The following NEK9 variants were observed in gnomAD, a reference collection of about 807,000 sequenced individuals.
NEK9 encodes the protein NIMA related kinase 9.
A neutral mutation model predicts 123.4 loss-of-function variants in NEK9; 75 were observed. That is an observed-to-expected ratio of 0.61 (90% CI 0.50 to 0.74). NEK9 has a LOEUF of 0.74. Ranked by LOEUF, NEK9 falls within the 30% of genes least tolerant of loss-of-function variation. The pLI is 0.00. For synonymous variants in NEK9, 438 were observed against 458.7 expected, an observed-to-expected ratio of 0.95 and a Z score of 0.58; for missense variants, 952 against 1,214.4, an observed-to-expected ratio of 0.78 and a Z score of 3.21.
intron 21 of NEK9, chr14:75,086,782 T>A: frequency 2.2e-6 from 1 of 447,260 alleles, no homozygotes; most frequent in Non-Finnish European, 4.2e-6. Flanking sequence ...GGTGCACACC[T>A]GTAGTCCCAG....
rs531820330 is a variant in NEK9, at chr14:75,102,425, G to A, written c.1732-660C>T. Among the ~76,000 whole-genome samples, 11 of 152,074 alleles carry A rather than the reference G, an allele frequency of 7.2e-5. No individual in the cohort carries two copies. The South Asian group carries it at 2.1e-3, about 29-fold the overall frequency. ...TGCAGTGGCGCGGTCTCGGCTCACTGCAAGCCCCGCCTCCCAGGTTCACGC... is the reference window on the plus strand; with the variant it reads ...TGCAGTGGCGCGGTCTCGGCTCACTACAAGCCCCGCCTCCCAGGTTCACGC... On this transcript the variant is annotated intron_variant, in intron 14 of 21. Transcript: ENST00000238616.
rs747305851 is a variant in NEK9, at chr14:75,081,971, CT to C, written c.*2592del. 31 of 152,292 alleles carry C rather than the reference CT, an allele frequency of 2.0e-4. No homozygotes were observed. In the South Asian group the frequency reaches 6.2e-3, roughly 31 times the overall value. The allele number at this position is 152,292 out of a possible 1,614,324, so 9.4% of individuals were successfully genotyped here. On this transcript the variant is annotated 3_prime_UTR_variant, in exon 22 of 22. Coordinates refer to ENST00000238616, the MANE Select transcript of NEK9 (RefSeq NM_033116.6). The surrounding 1 kb of genome is among the most constrained non-coding windows in gnomAD (Gnocchi z 4.2). ...AACTGGAGAGAAGCAAAGAATATTTCTGTGCAGATGTCCCTTGCATTGTTTC... is the reference window on the plus strand; with the variant it reads ...AACTGGAGAGAAGCAAAGAATATTTCGTGCAGATGTCCCTTGCATTGTTTC...
At chr14:75,103,727 T>A in intron 14 of NEK9, 115 bp downstream of exon 14, 2 of 1,148,474 alleles carry the variant, frequency 1.7e-6, no homozygotes, top group South Asian at 3.1e-5. Flanking sequence ...ACAATGCCTA[T>A]GAGACCATAA....
At chr14:75,110,014 A>T (rs1265574711) in intron 9 of NEK9, 137 bp from the exon 10 acceptor site, 2 of 905,610 alleles carry the variant, frequency 2.2e-6, no homozygotes, top group East Asian at 5.3e-5. Context: ...ACTTGTTTCA[A>T]TGTGCTCTAT....
intron 17 of NEK9, among the ~76,000 whole-genome samples, chr14:75,096,516 T>C (rs1027369924): frequency 2.0e-5 from 3 of 152,020 alleles, no homozygotes; most frequent in African/African-American, 7.2e-5. Flanking sequence ...GGTGGATGAT[T>C]AGAAGTAACA....
Position 75,082,525 on chromosome 14 carries a change from A to C in NEK9, c.*2039T>G, listed in dbSNP as rs1893895675. The stretch of plus-strand genomic sequence containing the variant: ...TAGATTCTCAGCCAGATTAATAGCA[A>C]ATCTAGACTTCCCAAGGGAATATGC... On this transcript the variant is annotated 3_prime_UTR_variant, in exon 22 of 22. Transcript: ENST00000238616. 1 of 154,244 alleles carries C rather than the reference A, an allele frequency of 6.5e-6. No homozygotes were observed. The highest frequency in any genetic ancestry group is 1.4e-5 in the Non-Finnish European group (1 of 69,484). The allele number at this position is 154,244 out of a possible 1,614,324, so 9.6% of individuals were successfully genotyped here. A position where few individuals can be genotyped will look rare whatever the true frequency, so the allele number is the denominator to read the frequency against.
At chr14:75,121,009 T>G (rs766877560) in intron 3 of NEK9, 110 bp downstream of exon 3, 26 of 909,644 alleles carry the variant, frequency 2.9e-5, no homozygotes, top group Non-Finnish European at 3.8e-5. Context: ...GGAAGGAGTC[T>G]GAACAAAAGG....
rs779294962 is a variant in NEK9, at chr14:75,126,854, C to T, written c.68G>A (p.Gly23Glu). ...SINSDFGSES[G>E]GCGDSSPGPS... is the part of the protein sequence containing the mutation. ...CCCCGGACTCGAGTCCCCGCAACCC[C>T]CGGACTCGCTCCCAAAGTCCGAGTT... The change falls in exon 1 of 22, where the codon GGG becomes GAG. Residue 23 changes from glycine to glutamate, a missense_variant. Coordinates refer to ENST00000238616, the MANE Select transcript of NEK9 (RefSeq NM_033116.6). 2 of 1,532,600 alleles carry T rather than the reference C, an allele frequency of 1.3e-6. No individual in the cohort carries two copies. Among genetic ancestry groups the T allele is most frequent in the South Asian group, 1.2e-5 (1 of 82,014 alleles). 94.9% of individuals were successfully genotyped at this position (1,532,600 alleles called of 1,614,324 possible).
intron 19 of NEK9, 125 bp from the exon 20 acceptor site, chr14:75,088,766 G>A: frequency 1.2e-6 from 1 of 803,802 alleles, no homozygotes; most frequent in Non-Finnish European, 1.9e-6. Context: ...CAAGACAGTT[G>A]TGGTTAACAA....
chr14:75,093,126 A>G (rs1175151712), intron 18 of NEK9, among the ~76,000 whole-genome samples: 1 of 152,250 alleles, frequency 6.6e-6, no homozygotes, highest in Non-Finnish European at 1.5e-5. Context: ...GTTACTAGCC[A>G]TATGTGCCCG....
chr14:75,119,953 A>G (rs1359467534), intron 4 of NEK9, among the ~76,000 whole-genome samples: 1 of 152,242 alleles, frequency 6.6e-6, no homozygotes, highest in Non-Finnish European at 1.5e-5. Flanking sequence ...ATAAAAAAAG[A>G]AATCTTAGTG....
In NEK9 at chr14:75,097,328, G is replaced by A. The variant is rs374712590; in HGVS notation, c.2003-58C>T. On this transcript the variant is annotated intron_variant, in intron 16 of 21. Coordinates refer to ENST00000238616, the MANE Select transcript of NEK9 (RefSeq NM_033116.6). ...CAGAACACTGGCTTCCCAATTCTCC[G>A]GGTTCCCCATCTTTATATCCTAGAG... The A allele has an allele frequency of 6.4e-5, 91 of 1,422,994 alleles. No individual in the cohort carries two copies. In the East Asian group the frequency reaches 7.5e-4, roughly 12 times the overall value. The allele number at this position is 1,422,994 out of a possible 1,614,324, so 88.1% of individuals were successfully genotyped here.
At chr14:75,121,656 C>T (rs1025410557) in intron 2 of NEK9, among the ~76,000 whole-genome samples, 1 of 152,176 alleles carries the variant, frequency 6.6e-6, no homozygotes, top group Admixed American at 6.5e-5. Flanking sequence ...TAAGACCAGC[C>T]TGGGCAACAC....
intron 8 of NEK9, among the ~76,000 whole-genome samples, chr14:75,111,544 A>C (rs1046062215): frequency 6.6e-6 from 1 of 152,226 alleles, no homozygotes; most frequent in Non-Finnish European, 1.5e-5. Flanking sequence ...TAATTATCTC[A>C]GTAAAAATTT....
At chr14:75,126,340 C>G (rs981005304) in intron 1 of NEK9, among the ~76,000 whole-genome samples, 6 of 152,080 alleles carry the variant, frequency 3.9e-5, no homozygotes, top group African/African-American at 1.4e-4. Flanking sequence ...TTTGGCAATA[C>G]CTCACATTCG....
At chr14:75,087,258 A>G (rs1894059695) in intron 20 of NEK9, 28 bp from the exon 21 acceptor site, 1 of 1,573,046 alleles carries the variant, frequency 6.4e-7, no homozygotes, top group Non-Finnish European at 8.7e-7. Context: ...AGATTGCAGG[A>G]GGTTCTGCCC....
At chr14:75,123,562 G>C (rs906443921) in intron 2 of NEK9, among the ~76,000 whole-genome samples, 15 of 152,228 alleles carry the variant, frequency 9.9e-5, no homozygotes, top group African/African-American at 3.6e-4. Flanking sequence ...CAAGCAAAAT[G>C]ATGTGAAGAA....
Position 75,091,414 on chromosome 14 carries a change from C to A in NEK9, c.2298G>T (p.Gln766His), listed in dbSNP as rs1415744355. 6.2e-7 allele frequency: 1 copy of A among 1,613,138 alleles called. No homozygotes were observed. Among genetic ancestry groups the A allele is most frequent in the Admixed American group, 1.7e-5 (1 of 59,914 alleles). The part of the protein sequence containing the change: ...GGGGGEEEDS[Q>H]QESETPDPSG... ...TTGGGTCAGGAGTTTCAGATTCCTG[C>A]TGACTGTCCTCTTCTTCACCACCGC... Residue 766 changes from glutamine to histidine, a missense_variant, in exon 19 of 22, where the codon CAG becomes CAT. Around this residue, in one of 4 missense-constraint regions of NEK9, gnomAD observed 698 missense variants for 875.6 expected, o/e 0.80. Coordinates refer to ENST00000238616, the MANE Select transcript of NEK9 (RefSeq NM_033116.6).
intron 10 of NEK9, 68 bp downstream of exon 10, chr14:75,109,617 T>C: frequency 2.8e-6 from 4 of 1,418,550 alleles, no homozygotes; most frequent in Non-Finnish European, 3.9e-6. Context: ...ATAAAATGCT[T>C]AGACATCGTG....
Sources: gnomAD v4.1 joint callset for allele counts (sites outside exome capture counted in the v4.1 genomes callset) on GRCh38, gnomAD v4.1.1 for gene constraint, gnomAD v4.1.1 regional missense constraint, Gnocchi (gnomAD v3.1) non-coding constraint, MANE v1.5 for transcripts, NCBI Gene and HGNC (gene_info 2026-07-23, HGNC 2026-07-21) for gene names.